The following MB21D2 variants were observed in gnomAD, a reference collection of about 807,000 sequenced individuals.
MB21D2 encodes the protein nucleotidyltransferase MB21D2.
MB21D2 carries 9 observed loss-of-function variants against 33.3 expected under a neutral mutation model. The observed-to-expected ratio is 0.27, with a 90% CI of 0.16 to 0.47. The LOEUF (loss-of-function observed/expected upper bound fraction) is 0.47, where lower values mean the gene tolerates loss of function less well. MB21D2 is among the 20% of genes least tolerant of loss of function. MB21D2 has a pLI of 0.99. For missense variants in MB21D2, 540 were observed against 624.6 expected (o/e 0.86, Z 1.44); for synonymous variants, 241 against 236.3 (o/e 1.02, Z -0.18).
chr3:192,838,421 C>G (rs1712491647), intron 1 of MB21D2, among the ~76,000 whole-genome samples: 1 of 144,904 alleles, frequency 6.9e-6, no homozygotes. Context: ...ATTAAATAAT[C>G]TGTGGACTTT....
chr3:192,822,880 G>A (rs1478180644), intron 1 of MB21D2, among the ~76,000 whole-genome samples: 4 of 152,122 alleles, frequency 2.6e-5, no homozygotes, highest in Non-Finnish European at 2.9e-5. Context: ...CGAGCACTCC[G>A]ACACCCTGGT....
chr3:192,838,428 C>CTT (rs55769534), intron 1 of MB21D2, among the ~76,000 whole-genome samples: 9 of 124,166 alleles, frequency 7.2e-5, no homozygotes, highest in Admixed American at 1.6e-4. Flanking sequence ...AATCTGTGGA[C>CTT]TTTTTTTTTT....
At chr3:192,830,431 G>GT (rs1489463407) in intron 1 of MB21D2, among the ~76,000 whole-genome samples, 4 of 152,076 alleles carry the variant, frequency 2.6e-5, no homozygotes, top group African/African-American at 9.7e-5. Flanking sequence ...GCACCCAGCT[G>GT]TTGCTGTCTG....
At chr3:192,879,980 T>A (rs1713524381) in intron 1 of MB21D2, among the ~76,000 whole-genome samples, 1 of 152,004 alleles carries the variant, frequency 6.6e-6, no homozygotes, top group African/African-American at 2.4e-5. Flanking sequence ...TTCTACCAGC[T>A]CCCAGGACTA....
chr3:192,901,497 A>G (rs972302904), intron 1 of MB21D2, among the ~76,000 whole-genome samples: 3 of 152,102 alleles, frequency 2.0e-5, no homozygotes, highest in South Asian at 2.1e-4. Context: ...GAGAATTTCA[A>G]TTCCATTCCT....
intron 1 of MB21D2, among the ~76,000 whole-genome samples, chr3:192,804,428 C>CAG (rs573294432): frequency 4.0e-3 from 23 of 5,776 alleles, no homozygotes; most frequent in Admixed American, 0.018. Context: ...AAAACAGATA[C>CAG]ACACACACAC....
intron 1 of MB21D2, among the ~76,000 whole-genome samples, chr3:192,892,442 A>G (rs1422292311): frequency 1.3e-5 from 2 of 152,198 alleles, no homozygotes; most frequent in African/African-American, 4.8e-5. Flanking sequence ...GCTAAACTTC[A>G]GTCATTGCTT....
chr3:192,894,029 T>G (rs563808602), intron 1 of MB21D2, among the ~76,000 whole-genome samples: 1 of 152,282 alleles, frequency 6.6e-6, no homozygotes, highest in East Asian at 1.9e-4. Flanking sequence ...AGACAGACTC[T>G]GTCTCTAAAA....
At chr3:192,861,432 A>G (rs1713039184) in intron 1 of MB21D2, among the ~76,000 whole-genome samples, 1 of 152,212 alleles carries the variant, frequency 6.6e-6, no homozygotes, top group African/African-American at 2.4e-5. Flanking sequence ...AGCCTTTTCC[A>G]TAGCTATCCC....
intron 1 of MB21D2, among the ~76,000 whole-genome samples, chr3:192,810,292 C>T (rs1711757290): frequency 6.6e-6 from 1 of 152,020 alleles, no homozygotes; most frequent in African/African-American, 2.4e-5. Context: ...TAACAAGCAC[C>T]CTAAAAAAAG....
intron 1 of MB21D2, among the ~76,000 whole-genome samples, chr3:192,854,660 C>T (rs558623495): frequency 2.0e-5 from 3 of 152,284 alleles, no homozygotes; most frequent in South Asian, 4.2e-4. Flanking sequence ...GAAATTAATG[C>T]CTGGCTTCAA....
At chr3:192,840,320 G>T (rs1020178223) in intron 1 of MB21D2, among the ~76,000 whole-genome samples, 1 of 147,922 alleles carries the variant, frequency 6.8e-6, no homozygotes, top group African/African-American at 2.5e-5. Context: ...CCAGTATTTT[G>T]TTCAAAATGA....
intron 1 of MB21D2, among the ~76,000 whole-genome samples, chr3:192,827,583 A>C (rs1158583896): frequency 6.6e-6 from 1 of 152,140 alleles, no homozygotes; most frequent in Non-Finnish European, 1.5e-5. Flanking sequence ...TCCCAGACAG[A>C]GAAGTTAAGT....
intron 1 of MB21D2, among the ~76,000 whole-genome samples, chr3:192,817,723 G>A (rs912685095): frequency 1.3e-5 from 2 of 151,784 alleles, no homozygotes; most frequent in African/African-American, 4.8e-5. Context: ...TCTCTCACAG[G>A]GACAACTGCA....
chr3:192,857,391 G>C (rs185236649), intron 1 of MB21D2, among the ~76,000 whole-genome samples: 2 of 152,166 alleles, frequency 1.3e-5, no homozygotes, highest in Non-Finnish European at 2.9e-5. Context: ...CGTGTCAAGG[G>C]AACATTCAAA....
intron 1 of MB21D2, among the ~76,000 whole-genome samples, chr3:192,844,667 G>C (rs932658186): frequency 1.3e-5 from 2 of 152,148 alleles, no homozygotes; most frequent in African/African-American, 4.8e-5. Context: ...CTCTCAAACA[G>C]AGCTCCCCAA....
At chr3:192,841,539 C>A (rs117665055) in intron 1 of MB21D2, among the ~76,000 whole-genome samples, 1 of 152,322 alleles carries the variant, frequency 6.6e-6, no homozygotes, top group East Asian at 1.9e-4. Context: ...GAAGTGAGAT[C>A]TCCTGCCAAG....
chr3:192,866,650 G>A (rs556406158), intron 1 of MB21D2, among the ~76,000 whole-genome samples: 39 of 152,204 alleles, frequency 2.6e-4, no homozygotes, highest in Admixed American at 1.4e-3. Flanking sequence ...GGTCATAAAT[G>A]AATTCTAAAT....
At chr3:192,837,302 A>G (rs73060295) in intron 1 of MB21D2, among the ~76,000 whole-genome samples, 143 of 152,276 alleles carry the variant, frequency 9.4e-4, no homozygotes, top group African/African-American at 3.3e-3. Context: ...ATTCCCACAT[A>G]AACATGCCTA....
Sources: gnomAD v4.1 joint callset for allele counts (sites outside exome capture counted in the v4.1 genomes callset) on GRCh38, gnomAD v4.1.1 for gene constraint, MANE v1.5 for transcripts, NCBI Gene and HGNC (gene_info 2026-07-23, HGNC 2026-07-21) for gene names.